The following ENOX1 variants were observed in gnomAD, a reference collection of about 807,000 sequenced individuals.
The protein encoded by ENOX1 is candidate growth-related and time keeping constitutive hydroquinone (NADH) oxidase.
A neutral mutation model predicts 82.5 loss-of-function variants in ENOX1; 42 were observed. The ratio of observed to expected loss-of-function variants is 0.51; its 90% CI spans 0.40 to 0.66. ENOX1 has a LOEUF of 0.66. Among genes scored for constraint, ENOX1 ranks in the 30% least tolerant of loss-of-function variants. ENOX1 has a pLI of 0.00. For missense variants in ENOX1, 608 were observed against 811.6 expected, an observed-to-expected ratio of 0.75 and a Z score of 3.05; for synonymous variants, 271 against 282.2, an observed-to-expected ratio of 0.96 and a Z score of 0.40.
chr13:43,570,322 T>C (rs940671536), intron 2 of ENOX1, among the ~76,000 whole-genome samples: 1 of 152,086 alleles, frequency 6.6e-6, no homozygotes, highest in African/African-American at 2.4e-5. Context: ...CAGCAACACA[T>C]AGGCAGTAGC....
chr13:43,502,905 T>G (rs1254509177), intron 2 of ENOX1, among the ~76,000 whole-genome samples: 1 of 151,268 alleles, frequency 6.6e-6, no homozygotes, highest in Non-Finnish European at 1.5e-5. Context: ...GTAAAGGAAA[T>G]AATTGGGAAG....
chr13:43,278,454 C>T (rs138462060), intron 12 of ENOX1, among the ~76,000 whole-genome samples: 16 of 152,192 alleles, frequency 1.1e-4, no homozygotes, highest in Non-Finnish European at 7.4e-5. Flanking sequence ...ACTTGAGCTA[C>T]TTCCATTCAT....
chr13:43,673,292 G>A (rs991994031), intron 1 of ENOX1, among the ~76,000 whole-genome samples: 10 of 151,828 alleles, frequency 6.6e-5, no homozygotes, highest in Admixed American at 3.3e-4. Context: ...CAGATTGATG[G>A]AGGACCCCTT....
chr13:43,646,984 A>G (rs1418976647), intron 2 of ENOX1, among the ~76,000 whole-genome samples: 1 of 152,246 alleles, frequency 6.6e-6, no homozygotes, highest in Non-Finnish European at 1.5e-5. Context: ...AGGAAGCAGA[A>G]GCTTCTTACC....
intron 1 of ENOX1, among the ~76,000 whole-genome samples, chr13:43,702,336 G>A (rs984993067): frequency 6.6e-6 from 1 of 152,200 alleles, no homozygotes; most frequent in African/African-American, 2.4e-5. Context: ...CAGGCAGATA[G>A]GGGATAAAAA....
intron 1 of ENOX1, among the ~76,000 whole-genome samples, chr13:43,732,600 C>T (rs558477147): frequency 3.9e-5 from 6 of 152,194 alleles, no homozygotes; most frequent in African/African-American, 1.4e-4. Flanking sequence ...AAAACCAATA[C>T]CAAAAACAGT....
At chr13:43,269,420 A>G (rs1405222278) in intron 13 of ENOX1, 50 bp downstream of exon 13, 1 of 1,379,202 alleles carries the variant, frequency 7.3e-7, no homozygotes, top group East Asian at 2.3e-5. Flanking sequence ...GGAGGTATGC[A>G]ATGGGGTGTT....
At chr13:43,295,040 G>A (rs1193795811) in intron 12 of ENOX1, among the ~76,000 whole-genome samples, 1 of 152,174 alleles carries the variant, frequency 6.6e-6, no homozygotes. Context: ...TGGTGGTTAC[G>A]TGACTGTATG....
intron 2 of ENOX1, among the ~76,000 whole-genome samples, chr13:43,649,959 C>T (rs2084079821): frequency 6.6e-6 from 1 of 152,184 alleles, no homozygotes; most frequent in Admixed American, 6.5e-5. Context: ...TACCTGACAA[C>T]CCTCCTCTCC....
intron 1 of ENOX1, among the ~76,000 whole-genome samples, chr13:43,707,430 T>C (rs1414588856): frequency 6.6e-6 from 1 of 152,104 alleles, no homozygotes; most frequent in Non-Finnish European, 1.5e-5. Flanking sequence ...AAAGAACCTA[T>C]AGTTATTAAA....
At chr13:43,388,473 T>C (rs185982301) in intron 5 of ENOX1, among the ~76,000 whole-genome samples, 1 of 152,302 alleles carries the variant, frequency 6.6e-6, no homozygotes, top group East Asian at 1.9e-4. Context: ...TGACTGACAG[T>C]ATTAATCATG....
chr13:43,685,883 C>CAT (rs1357003339), intron 1 of ENOX1, among the ~76,000 whole-genome samples: 2 of 149,444 alleles, frequency 1.3e-5, no homozygotes, highest in Non-Finnish European at 3.0e-5. Context: ...AACACACACA[C>CAT]ACACACACAC....
intron 1 of ENOX1, among the ~76,000 whole-genome samples, chr13:43,687,342 A>T (rs1460052242): frequency 6.6e-6 from 1 of 152,192 alleles, no homozygotes; most frequent in East Asian, 1.9e-4. Flanking sequence ...TGACACAGTC[A>T]TATTGGACGG....
At position 43,384,744 on chromosome 13, in the gene ENOX1, A is replaced by G. The variant is rs60750933; in HGVS notation, c.209-23292T>C. ...ACACTGTCTTTGAAACTATTAAAAG[A>G]ATAGTCTTAAGTGCTGCTGGGTGAA... On this transcript the variant is annotated intron_variant, in intron 5 of 16. Transcript: ENST00000690772. Among the ~76,000 whole-genome samples, 389 of 152,294 alleles carry G rather than the reference A, an allele frequency of 2.6e-3. 1 individual carries two copies. Among genetic ancestry groups the G allele is most frequent in the African/African-American group, 9.0e-3 (372 of 41,556 alleles).
chr13:43,401,418 C>T (rs936372451), intron 5 of ENOX1, among the ~76,000 whole-genome samples: 2 of 152,150 alleles, frequency 1.3e-5, no homozygotes, highest in African/African-American at 2.4e-5. Context: ...ATAGTCCCAG[C>T]CACTGTCTAG....
intron 2 of ENOX1, among the ~76,000 whole-genome samples, chr13:43,569,529 A>G (rs2080078097): frequency 6.6e-6 from 1 of 152,182 alleles, no homozygotes; most frequent in African/African-American, 2.4e-5. Context: ...AGATTAAGAT[A>G]AAAGAGACTC....
chr13:43,308,789 C>T (rs986649619), intron 11 of ENOX1, among the ~76,000 whole-genome samples: 2 of 151,986 alleles, frequency 1.3e-5, no homozygotes, highest in African/African-American at 4.8e-5. Flanking sequence ...ACATTCACAC[C>T]TTCTGCTCTA....
chr13:43,561,214 T>C (rs1188782935), intron 2 of ENOX1, among the ~76,000 whole-genome samples: 1 of 152,102 alleles, frequency 6.6e-6, no homozygotes, highest in Non-Finnish European at 1.5e-5. Flanking sequence ...CTAACTAGAG[T>C]GTAGTCTGTG....
chr13:43,344,831 G>T, intron 8 of ENOX1, 81 bp from the exon 9 acceptor site: 2 of 1,404,688 alleles, frequency 1.4e-6, no homozygotes, highest in Non-Finnish European at 2.0e-6. Flanking sequence ...AAAAGACAGA[G>T]CATAGTCCAA....
Sources: allele counts gnomAD v4.1 joint callset (sites outside exome capture counted in the v4.1 genomes callset), GRCh38; gene constraint gnomAD v4.1.1; transcripts MANE v1.5; gene names NCBI Gene and HGNC (gene_info 2026-07-23, HGNC 2026-07-21).